LEF1: variants seen among roughly 807,000 people sequenced by gnomAD.
LEF1 encodes lymphoid enhancer-binding factor 1.
Under a neutral mutation model 51.2 loss-of-function variants are expected in LEF1, and 14 were observed. The ratio of observed to expected loss-of-function variants is 0.27; its 90% CI spans 0.18 to 0.43. The LOEUF is 0.43. LEF1 is among the 20% of genes least tolerant of loss of function. The pLI, the probability that LEF1 is intolerant of heterozygous loss-of-function variation, is 1.00. For synonymous variants in LEF1, 185 were observed against 183.2 expected, an observed-to-expected ratio of 1.01 and a Z score of -0.08; for missense variants, 386 against 512.0, an observed-to-expected ratio of 0.75 and a Z score of 2.37.
chr4:108,129,940 C>A (rs180912511), intron 3 of LEF1, among the ~76,000 whole-genome samples: 5 of 152,198 alleles, frequency 3.3e-5, no homozygotes, highest in East Asian at 3.9e-4. Context: ...CAAATGGTGT[C>A]TATTTAGGAA....
intron 11 of LEF1, among the ~76,000 whole-genome samples, chr4:108,058,254 A>G (rs558753772): frequency 5.2e-4 from 79 of 152,282 alleles, no homozygotes; most frequent in Admixed American, 4.6e-3. Context: ...TAAAGTATCT[A>G]AAAATATCTT....
At chr4:108,078,463 C>G in intron 7 of LEF1, 81 bp from the exon 8 acceptor site, 1 of 1,566,156 alleles carries the variant, frequency 6.4e-7, no homozygotes, top group Non-Finnish European at 8.8e-7. Context: ...AGCAGAGCAC[C>G]TGCTCACATG....
chr4:108,114,921 T>C (rs1398130659), intron 3 of LEF1, among the ~76,000 whole-genome samples: 4 of 152,194 alleles, frequency 2.6e-5, no homozygotes, highest in South Asian at 2.1e-4. Flanking sequence ...GCAGCACTTA[T>C]GGGGCTCGAG....
intron 6 of LEF1, among the ~76,000 whole-genome samples, chr4:108,080,671 A>G (rs1472771252): frequency 3.3e-5 from 5 of 152,308 alleles, no homozygotes; most frequent in African/African-American, 1.2e-4. Flanking sequence ...GTATAAAAAT[A>G]TGTTTTAAGG....
chr4:108,149,288 C>T (rs867310685), intron 3 of LEF1, among the ~76,000 whole-genome samples: 9 of 149,642 alleles, frequency 6.0e-5, no homozygotes, highest in African/African-American at 2.0e-4. Context: ...TGAAACCCCG[C>T]CTCTACTAAA....
intron 1 of LEF1, chr4:108,166,680 C>T: frequency 4.0e-6 from 4 of 999,170 alleles, no homozygotes; most frequent in Non-Finnish European, 4.8e-6. Flanking sequence ...CCGCAGCGGG[C>T]CAGAAGACCC....
intron 3 of LEF1, among the ~76,000 whole-genome samples, chr4:108,093,041 T>C (rs1483258741): frequency 6.6e-6 from 1 of 151,932 alleles, no homozygotes; most frequent in Non-Finnish European, 1.5e-5. Flanking sequence ...TATGCCTTTT[T>C]ATTATGTTTA....
chr4:108,146,304 G>A (rs984529471), intron 3 of LEF1, among the ~76,000 whole-genome samples: 6 of 152,228 alleles, frequency 3.9e-5, no homozygotes, highest in Admixed American at 1.3e-4. Context: ...CAGAAAGTAG[G>A]TATGGCTTGG....
intron 3 of LEF1, among the ~76,000 whole-genome samples, chr4:108,091,615 C>T (rs1740030247): frequency 6.6e-6 from 1 of 151,930 alleles, no homozygotes. Context: ...TTATCATAGC[C>T]ACACAATTTT....
chr4:108,144,728 G>A (rs1261850114), intron 3 of LEF1, among the ~76,000 whole-genome samples: 1 of 151,968 alleles, frequency 6.6e-6, no homozygotes, highest in Non-Finnish European at 1.5e-5. Flanking sequence ...CATGAAGCAC[G>A]ACCTCAAATG....
At chr4:108,099,608 ATATATATAT>A (rs1560789390) in intron 3 of LEF1, among the ~76,000 whole-genome samples, 11 of 119,476 alleles carry the variant, frequency 9.2e-5, no homozygotes, top group African/African-American at 3.6e-4. Context: ...ATATATATAT[ATATATATAT>A]AAATAATACT....
chr4:108,157,110 C>A (rs1187043988), intron 3 of LEF1, among the ~76,000 whole-genome samples: 4 of 151,708 alleles, frequency 2.6e-5, no homozygotes, highest in Non-Finnish European at 5.9e-5. Context: ...TAGAACCACT[C>A]TCCTTTTTAG....
chr4:108,074,290 T>A (rs1235595599), intron 8 of LEF1, among the ~76,000 whole-genome samples: 2 of 152,220 alleles, frequency 1.3e-5, no homozygotes, highest in African/African-American at 4.8e-5. Context: ...TTGTCAAGAT[T>A]TCACCAAGTT....
intron 3 of LEF1, among the ~76,000 whole-genome samples, chr4:108,095,600 T>C (rs1230270811): frequency 6.6e-6 from 1 of 152,172 alleles, no homozygotes; most frequent in Non-Finnish European, 1.5e-5. Flanking sequence ...GTGGACCACT[T>C]GGAGAAAACT....
chr4:108,098,169 G>A (rs566080550), intron 3 of LEF1, among the ~76,000 whole-genome samples: 2 of 152,282 alleles, frequency 1.3e-5, no homozygotes, highest in South Asian at 4.1e-4. Context: ...CCCAGGGATG[G>A]CATATTCAGA....
At chr4:108,048,802 T>A in intron 11 of LEF1, 51 bp from the exon 12 acceptor site, 1 of 1,321,988 alleles carries the variant, frequency 7.6e-7, no homozygotes, top group Non-Finnish European at 1.1e-6. Flanking sequence ...CCGTAGGCCT[T>A]AAGATTATAA....
At chr4:108,101,061 A>G (rs975706486) in intron 3 of LEF1, among the ~76,000 whole-genome samples, 11 of 152,158 alleles carry the variant, frequency 7.2e-5, no homozygotes, top group African/African-American at 2.4e-4. Context: ...TCTAGACAGC[A>G]TTGGGTTTGA....
chr4:108,080,915 TACATCAAGC>T (rs914392044), intron 6 of LEF1, among the ~76,000 whole-genome samples: 13 of 151,976 alleles, frequency 8.6e-5, no homozygotes, highest in African/African-American at 3.1e-4. Context: ...AATGTGTGTG[TACATCAAGC>T]ACAGGGCACA....
rs761625306 is a variant in LEF1 at position 108,048,773 on chromosome 4, T to C, written c.*7-22A>G. On this transcript the variant is annotated intron_variant, in intron 11 of 11. Transcript: ENST00000265165. ...CCACCTCAAGAAGGAACAAATGAAATGCTATTAATATGAATTTGCCGTAGG... is the reference window on the plus strand; with the variant it reads ...CCACCTCAAGAAGGAACAAATGAAACGCTATTAATATGAATTTGCCGTAGG... The C allele has an allele frequency of 1.3e-5, 20 of 1,574,844 alleles. No individual in the cohort carries two copies. The Admixed American group carries it at 1.9e-4, about 15-fold the overall frequency.
Sources: allele counts gnomAD v4.1 joint callset (sites outside exome capture counted in the v4.1 genomes callset), GRCh38; gene constraint gnomAD v4.1.1; transcripts MANE v1.5; gene names NCBI Gene and HGNC (gene_info 2026-07-23, HGNC 2026-07-21).